CACHD1: variants seen among roughly 807,000 people sequenced by gnomAD.
CACHD1 encodes the protein VWFA and cache domain-containing protein 1.
In CACHD1, 71 loss-of-function variants were observed where a neutral mutation model predicts 138.7. That is an observed-to-expected ratio of 0.51 (90% CI 0.42 to 0.62). The LOEUF (loss-of-function observed/expected upper bound fraction) is 0.62. Among genes scored for constraint, CACHD1 ranks in the 20% least tolerant of loss-of-function variants. CACHD1 has a pLI of 0.00. For synonymous variants in CACHD1, 578 were observed against 591.5 expected (o/e 0.98, Z 0.33); for missense variants, 1,389 against 1,625.3 (o/e 0.85, Z 2.50).
chr1:64,587,937 A>G (rs921989439), intron 3 of CACHD1, among the ~76,000 whole-genome samples: 1 of 152,018 alleles, frequency 6.6e-6, no homozygotes, highest in African/African-American at 2.4e-5. Flanking sequence ...ACTTTGAAAG[A>G]TTAGCAATTT....
chr1:64,614,780 C>A (rs1647652300), intron 4 of CACHD1, among the ~76,000 whole-genome samples: 1 of 152,056 alleles, frequency 6.6e-6, no homozygotes, highest in Non-Finnish European at 1.5e-5. Context: ...GTCTTGAATC[C>A]CCTTTCTTTT....
intron 1 of CACHD1, among the ~76,000 whole-genome samples, chr1:64,492,330 G>A: frequency 1.4e-5 from 1 of 70,128 alleles, no homozygotes; most frequent in Non-Finnish European, 4.2e-5. Flanking sequence ...TATAACTTGA[G>A]AAAAATACGG....
intron 1 of CACHD1, among the ~76,000 whole-genome samples, chr1:64,521,937 G>A (rs1476489026): frequency 6.6e-6 from 1 of 151,670 alleles, no homozygotes; most frequent in Non-Finnish European, 1.5e-5. Flanking sequence ...TTTCTTGATG[G>A]CATCCTTTGA....
chr1:64,514,775 T>G (rs1646446958), intron 1 of CACHD1, among the ~76,000 whole-genome samples: 2 of 152,226 alleles, frequency 1.3e-5, no homozygotes, highest in South Asian at 2.1e-4. Context: ...AATGCCTTGG[T>G]GAAAATAAGA....
At chr1:64,543,866 CTT>C (rs370129207) in intron 1 of CACHD1, among the ~76,000 whole-genome samples, 2,695 of 77,448 alleles carry the variant, frequency 0.035, 45 homozygotes, top group African/African-American at 0.12. Context: ...CTTTTCAGTG[CTT>C]TTTTTTTTTT....
At chr1:64,595,214 C>T (rs1410689067) in intron 3 of CACHD1, among the ~76,000 whole-genome samples, 1 of 152,074 alleles carries the variant, frequency 6.6e-6, no homozygotes, top group Non-Finnish European at 1.5e-5. Context: ...ACTGAATACT[C>T]AGTATGTGTG....
At chr1:64,502,297 T>G (rs554099642) in intron 1 of CACHD1, among the ~76,000 whole-genome samples, 1 of 152,322 alleles carries the variant, frequency 6.6e-6, no homozygotes, top group African/African-American at 2.4e-5. Context: ...TTGTATTGCT[T>G]CCACATTTTT....
At chr1:64,576,497 A>C (rs1489824296) in intron 2 of CACHD1, among the ~76,000 whole-genome samples, 17 of 151,922 alleles carry the variant, frequency 1.1e-4, no homozygotes, top group Admixed American at 3.3e-4. Context: ...GAGGGAAGAA[A>C]AAAAAAAAAA....
intron 1 of CACHD1, among the ~76,000 whole-genome samples, chr1:64,505,747 G>A (rs1570312478): frequency 1.2e-4 from 1 of 8,016 alleles, no homozygotes; most frequent in Non-Finnish European, 2.2e-4. Flanking sequence ...GCCCCGCCCC[G>A]CCTTCCGGGC....
intron 1 of CACHD1, among the ~76,000 whole-genome samples, chr1:64,487,171 G>A (rs2100288752): frequency 6.6e-6 from 1 of 152,264 alleles, no homozygotes; most frequent in South Asian, 2.1e-4. Context: ...AGGGTTTTAG[G>A]CACAAGAGCA....
intron 1 of CACHD1, among the ~76,000 whole-genome samples, chr1:64,480,784 T>C (rs1318297939): frequency 1.3e-5 from 2 of 152,144 alleles, no homozygotes; most frequent in Non-Finnish European, 2.9e-5. Flanking sequence ...ATTCCACCTG[T>C]AATTTTCAGG....
chr1:64,505,131 T>C (rs768530963), intron 1 of CACHD1, among the ~76,000 whole-genome samples: 7 of 152,164 alleles, frequency 4.6e-5, no homozygotes, highest in Non-Finnish European at 1.0e-4. Context: ...ACTAGAGGTA[T>C]AGAGGTAACT....
In CACHD1 at chr1:64,647,882, G is replaced by A. The variant is rs760452138; in HGVS notation, c.1238G>A (p.Arg413Gln). The A allele has an allele frequency of 1.5e-5, 25 of 1,613,980 alleles. No homozygotes were observed. The highest frequency in any genetic ancestry group is 1.6e-4 in the Middle Eastern group (1 of 6,084). ...TCAGGGAAGTACGGTGTGCCAGACCGGATGGCCTTGCCTGTGATTAAGGGC... is the reference window on the plus strand; with the variant it reads ...TCAGGGAAGTACGGTGTGCCAGACCAGATGGCCTTGCCTGTGATTAAGGGC... The part of the protein sequence containing the change: ...QNSGKYGVPD[R>Q]MALPVIKGSM... Residue 413 changes from arginine to glutamine, a missense_variant, in exon 9 of 27, where the codon CGG (arginine) becomes CAG (glutamine). Physicochemically the swap from Arg to Gln is conservative, Grantham distance 43. Coordinates refer to ENST00000651257, the MANE Select transcript of CACHD1 (RefSeq NM_020925.4).
chr1:64,573,333 G>A (rs1330906097), intron 2 of CACHD1, among the ~76,000 whole-genome samples: 1 of 152,194 alleles, frequency 6.6e-6, no homozygotes. Flanking sequence ...GTTGCCATCT[G>A]CAAGCTAGGA....
intron 8 of CACHD1, among the ~76,000 whole-genome samples, chr1:64,644,436 A>G (rs141219925): frequency 1.6e-4 from 24 of 152,322 alleles, no homozygotes; most frequent in Admixed American, 3.3e-4. Flanking sequence ...AAGGAGGCCC[A>G]AAAGGAAGGG....
At position 64,558,544 on chromosome 1, in the gene CACHD1, C is replaced by G. The variant is rs144939168; in HGVS notation, c.261+7888C>G. 4.8e-3 allele frequency among the ~76,000 whole-genome samples: 728 copies of G among 152,196 alleles called. 4 individuals carry two copies. The highest frequency in any genetic ancestry group is 7.6e-3 in the Non-Finnish European group (516 of 68,014). On this transcript the variant is annotated intron_variant, in intron 2 of 26. Transcript: ENST00000651257. ...TAAAACCAGTTTGGCTATGAAAATT[C>G]TGGAAGACAAGCTAAGCAATAACCA...
Position 64,662,207 on chromosome 1 carries a change from T to C in CACHD1, c.1952-1488T>C, listed in dbSNP as rs546573196. 5.3e-5 allele frequency among the ~76,000 whole-genome samples: 8 copies of C among 152,326 alleles called. 1 individual carries two copies. The East Asian group carries it at 9.7e-4, about 18-fold the overall frequency. ...TTACTCCCAGCCCCACATACATACA[T>C]GCTTTTGGCAGAGATTCTAAAAGAC... is the stretch of plus-strand genomic sequence containing the variant. On this transcript the variant is annotated intron_variant, in intron 13 of 26. Coordinates refer to ENST00000651257, the MANE Select transcript of CACHD1 (RefSeq NM_020925.4).
chr1:64,534,378 A>G (rs984935596), intron 1 of CACHD1, among the ~76,000 whole-genome samples: 1 of 152,044 alleles, frequency 6.6e-6, no homozygotes, highest in Non-Finnish European at 1.5e-5. Context: ...TTTATCTCTG[A>G]CTGTGTGTAA....
chr1:64,492,562 T>C (rs996403370), intron 1 of CACHD1, among the ~76,000 whole-genome samples: 1 of 151,396 alleles, frequency 6.6e-6, no homozygotes, highest in Non-Finnish European at 1.5e-5. Context: ...CTTGGAGATA[T>C]ACTCCTCCCC....
Sources: gnomAD v4.1 joint callset for allele counts (sites outside exome capture counted in the v4.1 genomes callset) on GRCh38, gnomAD v4.1.1 for gene constraint, MANE v1.5 for transcripts, NCBI Gene and HGNC (gene_info 2026-07-23, HGNC 2026-07-21) for gene names.